The following DENND5A variants were observed in gnomAD, a reference collection of about 807,000 sequenced individuals.
DENND5A encodes the protein DENN domain containing 5A.
A neutral mutation model predicts 140.3 loss-of-function variants in DENND5A; 64 were observed. The ratio of observed to expected loss-of-function variants is 0.46; its 90% CI spans 0.37 to 0.56. DENND5A has a LOEUF of 0.56. Ranked by LOEUF, DENND5A falls within the 20% of genes least tolerant of loss-of-function variation. The pLI, the probability that DENND5A is intolerant of heterozygous loss-of-function variation, is 0.00. For synonymous variants in DENND5A, 605 were observed against 607.7 expected (o/e 1.00, Z 0.07); for missense variants, 1,292 against 1,593.8 (o/e 0.81, Z 3.22).
At chr11:9,202,708 C>T (rs540243636) in intron 4 of DENND5A, among the ~76,000 whole-genome samples, 1 of 152,270 alleles carries the variant, frequency 6.6e-6, no homozygotes, top group East Asian at 1.9e-4. Context: ...ACTATACTCC[C>T]GCTCATTCAC....
intron 1 of DENND5A, among the ~76,000 whole-genome samples, chr11:9,229,428 T>C (rs991317252): frequency 1.3e-5 from 2 of 152,022 alleles, no homozygotes; most frequent in African/African-American, 4.8e-5. Context: ...ACCTCAGAAA[T>C]AGCCTCAGAA....
Position 9,203,729 on chromosome 11 carries a change from C to T in DENND5A, c.880G>A (p.Gly294Arg), listed in dbSNP as rs745332882. Residue 294 changes from glycine (G) to arginine (R), a missense_variant, in exon 4 of 23, where the codon GGG (glycine) becomes AGG (arginine). Gly to Arg is a moderately radical substitution (Grantham distance 125). Transcript: ENST00000328194. ...FPVKEVFELL[G>R]VENVFQLFTC... ...AAAAGCTGAAACACATTCTCCACCC[C>T]GAGCAGTTCAAAAACCTCTTTGACA... The T allele has an allele frequency of 7.4e-6, 12 of 1,614,022 alleles. No homozygotes were observed. The highest frequency in any genetic ancestry group is 6.7e-5 in the Admixed American group (4 of 59,992).
chr11:9,249,169 A>C (rs1313921358), intron 1 of DENND5A, among the ~76,000 whole-genome samples: 1 of 151,944 alleles, frequency 6.6e-6, no homozygotes. Context: ...TGGAGCTTGC[A>C]GTGAGCTGAG....
intron 12 of DENND5A, among the ~76,000 whole-genome samples, chr11:9,158,961 T>G (rs1208259783): frequency 6.6e-6 from 1 of 152,200 alleles, no homozygotes; most frequent in Middle Eastern, 3.2e-3. Flanking sequence ...CTAGAACATT[T>G]TCATCACCCC....
At chr11:9,236,652 C>T (rs891007625) in intron 1 of DENND5A, among the ~76,000 whole-genome samples, 1 of 151,908 alleles carries the variant, frequency 6.6e-6, no homozygotes, top group African/African-American at 2.4e-5. Flanking sequence ...GAGGCTAAGG[C>T]AAGAAGACTG....
chr11:9,218,270 C>CA (rs369552032), intron 1 of DENND5A, among the ~76,000 whole-genome samples: 5,800 of 136,928 alleles, frequency 0.042, 198 homozygotes, highest in African/African-American at 0.1. Context: ...AAAAAATAAA[C>CA]AAAAAAAAAA....
intron 1 of DENND5A, among the ~76,000 whole-genome samples, chr11:9,244,034 T>C (rs1200248637): frequency 6.6e-6 from 1 of 152,238 alleles, no homozygotes; most frequent in African/African-American, 2.4e-5. Flanking sequence ...CAGTCAGCAG[T>C]AGGCTGTTAG....
intron 6 of DENND5A, among the ~76,000 whole-genome samples, chr11:9,179,477 T>G (rs1311445770): frequency 6.6e-6 from 1 of 151,936 alleles, no homozygotes; most frequent in Admixed American, 6.6e-5. Context: ...CTCATATCAC[T>G]TTCCTTCTTT....
intron 3 of DENND5A, among the ~76,000 whole-genome samples, chr11:9,206,181 T>C (rs1849685996): frequency 6.6e-6 from 1 of 152,250 alleles, no homozygotes; most frequent in African/African-American, 2.4e-5. Context: ...CAATAAAGGT[T>C]AGCTTACTCT....
intron 12 of DENND5A, among the ~76,000 whole-genome samples, chr11:9,156,148 G>A (rs1295606766): frequency 7.2e-5 from 11 of 152,140 alleles, no homozygotes; most frequent in Non-Finnish European, 1.5e-4. Flanking sequence ...TGGAGGCCTA[G>A]GGAGAACATG....
intron 1 of DENND5A, among the ~76,000 whole-genome samples, chr11:9,259,464 G>A (rs1342562877): frequency 6.6e-6 from 1 of 151,968 alleles, no homozygotes; most frequent in East Asian, 1.9e-4. Flanking sequence ...TACTCCGGAG[G>A]CTGAGGCAGG....
At chr11:9,189,360 G>A (rs1564905299) in intron 5 of DENND5A, among the ~76,000 whole-genome samples, 1 of 152,192 alleles carries the variant, frequency 6.6e-6, no homozygotes, top group South Asian at 2.1e-4. Flanking sequence ...AGTGCGGAAG[G>A]GAAATGTAGG....
At chr11:9,250,824 T>A (rs577733013) in intron 1 of DENND5A, among the ~76,000 whole-genome samples, 1 of 152,210 alleles carries the variant, frequency 6.6e-6, no homozygotes, top group East Asian at 1.9e-4. Flanking sequence ...TTTGGCCAAC[T>A]GGAATAGTTT....
chr11:9,157,928 A>C (rs1847865202), intron 12 of DENND5A, among the ~76,000 whole-genome samples: 1 of 152,224 alleles, frequency 6.6e-6, no homozygotes, highest in Non-Finnish European at 1.5e-5. Flanking sequence ...GCCAGGATTC[A>C]AACCCAAGTC....
At chr11:9,166,952 C>A (rs1848211393) in intron 10 of DENND5A, among the ~76,000 whole-genome samples, 1 of 151,990 alleles carries the variant, frequency 6.6e-6, no homozygotes, top group Admixed American at 6.6e-5. Context: ...ATAATTTCCC[C>A]CACCAAGCTG....
At chr11:9,262,284 C>T (rs1011216654) in intron 1 of DENND5A, among the ~76,000 whole-genome samples, 1 of 152,170 alleles carries the variant, frequency 6.6e-6, no homozygotes, top group African/African-American at 2.4e-5. Flanking sequence ...TAACAGTTAA[C>T]TTCCCAGCTT....
chr11:9,248,108 G>A (rs1478648476), intron 1 of DENND5A, among the ~76,000 whole-genome samples: 6 of 151,972 alleles, frequency 3.9e-5, no homozygotes, highest in Non-Finnish European at 7.4e-5. Flanking sequence ...CAGGCCTCTC[G>A]AGTACCTGGT....
intron 1 of DENND5A, among the ~76,000 whole-genome samples, chr11:9,251,975 C>T (rs765554048): frequency 1.4e-5 from 2 of 147,794 alleles, no homozygotes; most frequent in Non-Finnish European, 3.0e-5. Flanking sequence ...GGCGACAGAG[C>T]GAGACTCTGT....
Position 9,167,518 on chromosome 11 carries a change from T to C in DENND5A, c.2152-1551A>G, listed in dbSNP as rs575419734. Among the ~76,000 whole-genome samples the C allele has an allele frequency of 2.1e-3, 316 of 149,964 alleles. 1 individual carries two copies. Among genetic ancestry groups the C allele is most frequent in the Non-Finnish European group, 1.9e-3 (128 of 67,632 alleles). ...GAAAAAGAAAAACAGCCAGGAGCAGTGACTCTGGCCTGTAATCCCAGCACT... is the reference window on the plus strand; with the variant it reads ...GAAAAAGAAAAACAGCCAGGAGCAGCGACTCTGGCCTGTAATCCCAGCACT... On this transcript the variant is annotated intron_variant, in intron 10 of 22. Coordinates refer to ENST00000328194, the MANE Select transcript of DENND5A (RefSeq NM_015213.4).
Sources: gnomAD v4.1 joint callset for allele counts (sites outside exome capture counted in the v4.1 genomes callset) on GRCh38, gnomAD v4.1.1 for gene constraint, MANE v1.5 for transcripts, NCBI Gene and HGNC (gene_info 2026-07-23, HGNC 2026-07-21) for gene names.